The following PDCD10 variants were observed in gnomAD, a reference collection of about 807,000 sequenced individuals.
The protein encoded by PDCD10 is programmed cell death 10, also known as programmed cell death protein 10.
In PDCD10, 4 loss-of-function variants were observed where a neutral mutation model predicts 29.2. That is an observed-to-expected ratio of 0.14 (90% CI 0.07 to 0.31). The LOEUF is 0.31. Ranked by LOEUF, PDCD10 falls within the 10% of genes least tolerant of loss-of-function variation. The pLI is 1.00. For synonymous variants in PDCD10, 70 were observed against 82.2 expected (o/e 0.85, Z 0.80); for missense variants, 183 against 257.9 (o/e 0.71, Z 1.99).
intron 3 of PDCD10, among the ~76,000 whole-genome samples, chr3:167,710,266 C>T (rs1395035014): frequency 1.3e-5 from 2 of 152,074 alleles, no homozygotes; most frequent in Non-Finnish European, 2.9e-5. Context: ...TTGGGGTCCC[C>T]GAGTCCAGGC....
At chr3:167,689,608 G>A (rs1034004099) in intron 6 of PDCD10, among the ~76,000 whole-genome samples, 1 of 151,868 alleles carries the variant, frequency 6.6e-6, no homozygotes, top group African/African-American at 2.4e-5. Context: ...AAGAAGGGAG[G>A]GTTTTGCTGG....
At chr3:167,693,273 C>G (rs1460942831) in intron 6 of PDCD10, among the ~76,000 whole-genome samples, 2 of 152,190 alleles carry the variant, frequency 1.3e-5, no homozygotes, top group East Asian at 3.8e-4. Flanking sequence ...AGGATCAGTA[C>G]ACAGACATTT....
intron 2 of PDCD10, among the ~76,000 whole-genome samples, chr3:167,722,686 A>G (rs914559028): frequency 1.3e-5 from 2 of 152,146 alleles, no homozygotes; most frequent in Admixed American, 6.5e-5. Context: ...AGTAAGCACA[A>G]TGGAATTACT....
chr3:167,687,503 G>T, intron 7 of PDCD10, 112 bp downstream of exon 7: 2 of 779,790 alleles, frequency 2.6e-6, no homozygotes, highest in Non-Finnish European at 4.5e-6. Flanking sequence ...AAACTCAATG[G>T]TTAATGACAC....
intron 3 of PDCD10, among the ~76,000 whole-genome samples, chr3:167,705,690 A>C (rs574563314): frequency 1.3e-5 from 2 of 152,326 alleles, no homozygotes; most frequent in South Asian, 4.1e-4. Context: ...CTTAATATTT[A>C]ACATGACTTC....
At chr3:167,710,097 A>G (rs942354847) in intron 3 of PDCD10, among the ~76,000 whole-genome samples, 3 of 152,134 alleles carry the variant, frequency 2.0e-5, no homozygotes, top group Admixed American at 2.0e-4. Context: ...CAGGTAGTAC[A>G]CTGTAGGCCT....
rs1331094702 is a variant in PDCD10 at position 167,683,965 on chromosome 3, C to T, written c.*343G>A. The T allele has an allele frequency of 4.2e-6, 1 of 239,766 alleles. No homozygotes were observed. Among genetic ancestry groups the T allele is most frequent in the Non-Finnish European group, 8.4e-6 (1 of 118,688 alleles). 14.9% of individuals were successfully genotyped at this position (239,766 alleles called of 1,614,324 possible). On this transcript the variant is annotated 3_prime_UTR_variant, in exon 9 of 9. Coordinates refer to ENST00000392750, the MANE Select transcript of PDCD10 (RefSeq NM_007217.4). ...CACCAAATATTGTTAAATACATTATCTTGCAGCATATCGCTTTCAAGTTAA... is the reference window on the plus strand; with the variant it reads ...CACCAAATATTGTTAAATACATTATTTTGCAGCATATCGCTTTCAAGTTAA...
At chr3:167,719,949 A>G (rs770126934) in intron 3 of PDCD10, 113 bp downstream of exon 3, 30 of 815,534 alleles carry the variant, frequency 3.7e-5, no homozygotes, top group South Asian at 2.7e-4. Flanking sequence ...TAACGCACCG[A>G]TAAGAGTTCA....
rs1195408770 is a variant in PDCD10, at chr3:167,707,903, C to T, written c.97-3008G>A. Among the ~76,000 whole-genome samples the T allele has an allele frequency of 2.6e-5, 4 of 152,148 alleles. No homozygotes were observed. In the East Asian group the frequency reaches 5.8e-4, roughly 22 times the overall value. ...AAAGAGTAAGAGAAAATAAGAGAATCAGAGTGAGAGAAAAGGTTTGTAACA... is the reference window on the plus strand; with the variant it reads ...AAAGAGTAAGAGAAAATAAGAGAATTAGAGTGAGAGAAAAGGTTTGTAACA... On this transcript the variant is annotated intron_variant, in intron 3 of 8. Transcript: ENST00000392750.
chr3:167,702,432 C>A (rs1478629716), intron 4 of PDCD10, among the ~76,000 whole-genome samples: 1 of 152,154 alleles, frequency 6.6e-6, no homozygotes, highest in Admixed American at 6.5e-5. Flanking sequence ...ATATAGGATA[C>A]ACAAAACATA....
intron 4 of PDCD10, 62 bp from the exon 5 acceptor site, chr3:167,697,188 G>T: frequency 2.2e-6 from 2 of 894,942 alleles, no homozygotes; most frequent in Non-Finnish European, 3.7e-6. Context: ...TAAAGCCAAA[G>T]TTTAATTGTT....
At chr3:167,704,924 A>G in intron 3 of PDCD10, 29 bp from the exon 4 acceptor site, 3 of 1,448,474 alleles carry the variant, frequency 2.1e-6, no homozygotes, top group Non-Finnish European at 2.9e-6. Context: ...ATTATTATGA[A>G]TATCAACTTT....
chr3:167,726,664 A>G (rs567168624), intron 2 of PDCD10, among the ~76,000 whole-genome samples: 5 of 152,324 alleles, frequency 3.3e-5, no homozygotes, highest in Admixed American at 1.3e-4. Flanking sequence ...TGGCTAACAC[A>G]TAATAACCAT....
chr3:167,715,827 T>A (rs1002954522), intron 3 of PDCD10, among the ~76,000 whole-genome samples: 1 of 152,016 alleles, frequency 6.6e-6, no homozygotes, highest in Non-Finnish European at 1.5e-5. Flanking sequence ...TGTAAATTAG[T>A]ACAACCACTA....
chr3:167,720,826 T>C (rs1464042421), intron 2 of PDCD10, among the ~76,000 whole-genome samples: 1 of 152,002 alleles, frequency 6.6e-6, no homozygotes, highest in African/African-American at 2.4e-5. Context: ...AAACATAAAA[T>C]TGAAAAAAAT....
At position 167,699,681 on chromosome 3, in the gene PDCD10, A is replaced by G. The variant is rs184761740; in HGVS notation, c.151-2555T>C. 3.9e-5 allele frequency among the ~76,000 whole-genome samples: 6 copies of G among 152,142 alleles called. No homozygotes were observed. In the East Asian group the frequency reaches 1.2e-3, roughly 29 times the overall value. The stretch of plus-strand genomic sequence containing the variant: ...AATAAACCGAAGGGCAGCAACATAC[A>G]CTCTTGTGGATCAGTGATTCTCAGT... On this transcript the variant is annotated intron_variant, in intron 4 of 8. Coordinates refer to ENST00000392750, the MANE Select transcript of PDCD10 (RefSeq NM_007217.4).
chr3:167,710,004 T>C (rs903703538), intron 3 of PDCD10, among the ~76,000 whole-genome samples: 1 of 152,092 alleles, frequency 6.6e-6, no homozygotes. Flanking sequence ...CTCACTGCCC[T>C]GAAGGGAAGG....
At chr3:167,703,726 CAGTA>C (rs1180569577) in intron 4 of PDCD10, among the ~76,000 whole-genome samples, 2 of 152,030 alleles carry the variant, frequency 1.3e-5, no homozygotes, top group African/African-American at 4.8e-5. Flanking sequence ...TCAACATGTA[CAGTA>C]AGTCTCTAGA....
At chr3:167,692,806 T>C (rs1285480903) in intron 6 of PDCD10, among the ~76,000 whole-genome samples, 1 of 152,224 alleles carries the variant, frequency 6.6e-6, no homozygotes, top group African/African-American at 2.4e-5. Context: ...TAGTCCCAGC[T>C]ACGCTGGAGG....
Sources: gnomAD v4.1 joint callset for allele counts (sites outside exome capture counted in the v4.1 genomes callset) on GRCh38, gnomAD v4.1.1 for gene constraint, MANE v1.5 for transcripts, NCBI Gene and HGNC (gene_info 2026-07-23, HGNC 2026-07-21) for gene names.